The following SORCS2 variants were observed in gnomAD, a reference collection of about 807,000 sequenced individuals.
SORCS2 encodes the protein VPS10 domain-containing receptor SorCS2.
SORCS2 carries 100 observed loss-of-function variants against 141.6 expected under a neutral mutation model. That is an observed-to-expected ratio of 0.71 (90% CI 0.60 to 0.83). The LOEUF (loss-of-function observed/expected upper bound fraction) is 0.83, where lower values mean the gene tolerates loss of function less well. SORCS2 is among the 40% of genes least tolerant of loss of function. The pLI, the probability that SORCS2 is intolerant of heterozygous loss-of-function variation, is 0.00. For missense variants in SORCS2, 1,646 were observed against 1,560.2 expected, an observed-to-expected ratio of 1.05 and a Z score of -0.93; for synonymous variants, 789 against 676.9, an observed-to-expected ratio of 1.17 and a Z score of -2.57.
intron 1 of SORCS2, among the ~76,000 whole-genome samples, chr4:7,373,743 C>T (rs1474853465): frequency 2.6e-5 from 4 of 151,540 alleles, no homozygotes; most frequent in African/African-American, 9.7e-5. Context: ...CCACCCGCCT[C>T]GGCCTCCCAA....
At chr4:7,396,910 G>C (rs765980493) in intron 2 of SORCS2, among the ~76,000 whole-genome samples, 11 of 152,122 alleles carry the variant, frequency 7.2e-5, no homozygotes, top group Non-Finnish European at 1.2e-4. Context: ...AAAGAAGGAG[G>C]ATTTGAGAAC....
intron 3 of SORCS2, among the ~76,000 whole-genome samples, chr4:7,604,398 A>G (rs936445071): frequency 1.3e-5 from 2 of 152,194 alleles, no homozygotes; most frequent in Admixed American, 1.3e-4. Context: ...GCTCACTGCA[A>G]GCTCCGCCTC....
At chr4:7,281,116 A>T (rs1715845379) in intron 1 of SORCS2, among the ~76,000 whole-genome samples, 1 of 152,136 alleles carries the variant, frequency 6.6e-6, no homozygotes, top group East Asian at 1.9e-4. Context: ...GAGAGCTATG[A>T]TAAAACCCAG....
chr4:7,566,919 G>C (rs1334637081), intron 3 of SORCS2, among the ~76,000 whole-genome samples: 1 of 152,074 alleles, frequency 6.6e-6, no homozygotes, highest in Non-Finnish European at 1.5e-5. Context: ...GCTAGAGCTA[G>C]TCACATGGCC....
intron 2 of SORCS2, among the ~76,000 whole-genome samples, chr4:7,515,514 G>A (rs1264116828): frequency 6.6e-6 from 1 of 152,170 alleles, no homozygotes; most frequent in Admixed American, 6.5e-5. Flanking sequence ...GGGCTCAGCG[G>A]GCAGCCGGAT....
intron 3 of SORCS2, among the ~76,000 whole-genome samples, chr4:7,544,624 G>C (rs779869555): frequency 3.3e-5 from 5 of 152,248 alleles, no homozygotes; most frequent in Non-Finnish European, 5.9e-5. Flanking sequence ...CTCTTTCCTG[G>C]CTCCACCCTG....
rs118181742 is a variant in SORCS2 at position 7,298,903 on chromosome 4, A to G, written c.481-97385A>G. 5.2e-4 allele frequency among the ~76,000 whole-genome samples: 79 copies of G among 152,356 alleles called. No individual in the cohort carries two copies. The East Asian group carries it at 8.7e-3, about 17-fold the overall frequency. ...CAGCCCGCAAGCCCGCCTCCATTCA[A>G]ACAAGTGTTTGTCCTCTTCTGGGAC... On this transcript the variant is annotated intron_variant, in intron 1 of 26. Transcript: ENST00000507866.
At chr4:7,433,716 G>T (rs6843370) in intron 2 of SORCS2, 7 of 1,612,824 alleles carry the variant, frequency 4.3e-6, no homozygotes, top group Non-Finnish European at 5.9e-6. Flanking sequence ...GGTTCTCCGC[G>T]TCCCACTCTG....
chr4:7,388,353 G>T (rs950835440), intron 1 of SORCS2, among the ~76,000 whole-genome samples: 3 of 152,204 alleles, frequency 2.0e-5, no homozygotes, highest in African/African-American at 7.2e-5. Flanking sequence ...GGTGGTTTTG[G>T]CCAGATGAGA....
intron 1 of SORCS2, among the ~76,000 whole-genome samples, chr4:7,371,844 G>A (rs1342688078): frequency 2.6e-5 from 4 of 152,178 alleles, no homozygotes; most frequent in South Asian, 2.1e-4. Flanking sequence ...ATTTCACTTC[G>A]AGCCTTGGTT....
chr4:7,533,812 T>C (rs1711864962), intron 3 of SORCS2, among the ~76,000 whole-genome samples: 1 of 152,212 alleles, frequency 6.6e-6, no homozygotes, highest in Non-Finnish European at 1.5e-5. Context: ...GAGCCTCAGT[T>C]TCCTGGCCTG....
At chr4:7,378,659 G>A (rs1277872464) in intron 1 of SORCS2, among the ~76,000 whole-genome samples, 2 of 152,104 alleles carry the variant, frequency 1.3e-5, no homozygotes, top group Non-Finnish European at 2.9e-5. Flanking sequence ...GATTTAGGTG[G>A]GGACACAGAG....
At chr4:7,717,923 G>A in intron 17 of SORCS2, 89 bp from the exon 18 acceptor site, 1 of 1,374,708 alleles carries the variant, frequency 7.3e-7, no homozygotes, top group Non-Finnish European at 9.6e-7. Context: ...TGCCACCTCT[G>A]GGTGGCAAGC....
chr4:7,341,645 G>A (rs545315353), intron 1 of SORCS2, among the ~76,000 whole-genome samples: 1 of 152,328 alleles, frequency 6.6e-6, no homozygotes, highest in South Asian at 2.1e-4. Flanking sequence ...TGCAGGGCCA[G>A]GGACCACATG....
intron 4 of SORCS2, 68 bp downstream of exon 4, chr4:7,638,560 G>C (rs1720423677): frequency 9.3e-6 from 14 of 1,508,880 alleles, no homozygotes; most frequent in Non-Finnish European, 1.1e-5. Context: ...CTGGAGGTGA[G>C]TGCCCACTTG....
At chr4:7,559,414 G>T (rs887700784) in intron 3 of SORCS2, among the ~76,000 whole-genome samples, 1 of 152,206 alleles carries the variant, frequency 6.6e-6, no homozygotes, top group Non-Finnish European at 1.5e-5. Context: ...CCTGGAGGAG[G>T]CCCAGAGCTC....
At chr4:7,288,897 T>G (rs1025700624) in intron 1 of SORCS2, among the ~76,000 whole-genome samples, 1 of 152,044 alleles carries the variant, frequency 6.6e-6, no homozygotes, top group East Asian at 1.9e-4. Context: ...CCAGGAAGCC[T>G]TCCTGTCTCT....
intron 3 of SORCS2, among the ~76,000 whole-genome samples, chr4:7,623,556 C>A (rs529369487): frequency 6.6e-6 from 1 of 152,292 alleles, no homozygotes; most frequent in East Asian, 1.9e-4. Context: ...TCCAAACTCC[C>A]TGTTGCCCGA....
At chr4:7,686,387 T>G (rs1437396414) in intron 10 of SORCS2, among the ~76,000 whole-genome samples, 1 of 152,186 alleles carries the variant, frequency 6.6e-6, no homozygotes, top group East Asian at 1.9e-4. Context: ...TCTGGTAGGC[T>G]TTGATGATTT....
Sources: allele counts gnomAD v4.1 joint callset (sites outside exome capture counted in the v4.1 genomes callset), GRCh38; gene constraint gnomAD v4.1.1; transcripts MANE v1.5; gene names NCBI Gene and HGNC (gene_info 2026-07-23, HGNC 2026-07-21).